Variants in DES observed in about 807,000 individuals in gnomAD.
DES encodes the protein cardiomyopathy, dilated 1F (autosomal dominant).
DES carries 34 observed loss-of-function variants against 55.1 expected under a neutral mutation model. That is an observed-to-expected ratio of 0.62 (90% CI 0.47 to 0.82). The LOEUF (loss-of-function observed/expected upper bound fraction) is 0.82, where lower values mean the gene tolerates loss of function less well. DES is among the 40% of genes least tolerant of loss of function. DES has a pLI of 0.00. For synonymous variants in DES, 259 were observed against 270.8 expected, an observed-to-expected ratio of 0.96 and a Z score of 0.43; for missense variants, 596 against 645.9, an observed-to-expected ratio of 0.92 and a Z score of 0.84.
At chr2:219,424,407 A>G (rs1325863152) in intron 7 of DES, among the ~76,000 whole-genome samples, 3 of 152,244 alleles carry the variant, frequency 2.0e-5, no homozygotes, top group Admixed American at 6.5e-5. Context: ...GAGCAGAGAA[A>G]CACACGATAA....
At position 219,423,416 on chromosome 2, in the gene DES, G is replaced by A. The variant is rs370745692; in HGVS notation, c.1245-361G>A. ...AGGACCAGGGTGAGCCTTGATGGGC[G>A]GTCTCAGGGAAAGATGGGAGGGTTC... On this transcript the variant is annotated intron_variant, in intron 6 of 8. Transcript: ENST00000373960. 1.7e-3 allele frequency among the ~76,000 whole-genome samples: 252 copies of A among 151,772 alleles called. 1 individual carries two copies. Among genetic ancestry groups the A allele is most frequent in the African/African-American group, 5.1e-3 (211 of 41,340 alleles).
chr2:219,425,834 G>C, intron 8 of DES, 89 bp downstream of exon 8: 1 of 1,600,434 alleles, frequency 6.2e-7, no homozygotes, highest in South Asian at 1.1e-5. Context: ...GCTGGTCTAG[G>C]TCCCTGGCTA....
Position 219,420,308 on chromosome 2 carries a change from A to G in DES, c.697A>G (p.Asn233Asp), listed in dbSNP as rs752276536. 3.7e-6 allele frequency: 6 copies of G among 1,614,120 alleles called. No individual in the cohort carries two copies. The highest frequency in any genetic ancestry group is 4.2e-6 in the Non-Finnish European group (5 of 1,180,022). The change falls in exon 3 of 9, where the codon AAC becomes GAC. Residue 233 changes from asparagine (N) to aspartate (D), a missense_variant. Asn to Asp is a conservative substitution (Grantham distance 23, BLOSUM62 1). Coordinates refer to ENST00000373960, the MANE Select transcript of DES (RefSeq NM_001927.4). This position sits in a 1 kb window ranked among gnomAD's most constrained non-coding sequence, Gnocchi z 6.0. ...CCTGGAGCGCAGAATTGAATCTCTC[A>G]ACGAGGAGATCGCGTTCCTTAAGAA... Reference protein sequence around the residue: ...IDLERRIESLNEEIAFLKKVH... With the variant: ...IDLERRIESLDEEIAFLKKVH...
In DES at chr2:219,418,695, G is replaced by T. The variant is rs573916832; in HGVS notation, c.233G>T (p.Arg78Leu). The T allele has an allele frequency of 3.2e-6, 5 of 1,570,190 alleles. No homozygotes were observed. The East Asian group carries it at 1.2e-4, about 37-fold the overall frequency. The change falls in exon 1 of 9, where the codon CGC (arginine) becomes CTC (leucine). Residue 78 changes from arginine (R) to leucine (L), a missense_variant. Physicochemically the swap from Arg to Leu is moderately radical, Grantham distance 102. Transcript: ENST00000373960. The stretch of plus-strand genomic sequence containing the variant: ...CGGGCCAGCCGGCTGGGGACCACCC[G>T]CACGCCCTCCTCCTACGGCGCAGGC... Reference protein sequence around the residue: ...SLRASRLGTTRTPSSYGAGEL... With the variant: ...SLRASRLGTTLTPSSYGAGEL...
Position 219,425,715 on chromosome 2 carries a change from G to A in DES, c.1341G>A (p.Met447Ile), listed in dbSNP as rs1451982485. Residue 447 changes from methionine (M) to isoleucine (I), a missense_variant, in exon 8 of 9, where the codon ATG becomes ATA. By Grantham distance (10) the Met-to-Ile change is conservative. Coordinates refer to ENST00000373960, the MANE Select transcript of DES (RefSeq NM_001927.4). Reference sequence around the variant, plus strand: ...AGGTCCATACCAAGAAGACGGTGATGATCAAGACCATCGAGACACGGGATG... The same window carrying A: ...AGGTCCATACCAAGAAGACGGTGATAATCAAGACCATCGAGACACGGGATG... ...GSEVHTKKTV[M>I]IKTIETRDGE... The A allele has an allele frequency of 6.2e-7, 1 of 1,601,300 alleles. No individual in the cohort carries two copies. Among genetic ancestry groups the A allele is most frequent in the Admixed American group, 1.7e-5 (1 of 57,990 alleles).
At position 219,422,357 on chromosome 2, in the gene DES, GAC is replaced by G. The variant is rs758914761; in HGVS notation, c.1244+801_1244+802del. Among the ~76,000 whole-genome samples, 11 of 151,416 alleles carry G rather than the reference GAC, an allele frequency of 7.3e-5. No individual in the cohort carries two copies. In the East Asian group the frequency reaches 1.8e-3, roughly 24 times the overall value. On this transcript the variant is annotated intron_variant, in intron 6 of 8. Coordinates refer to ENST00000373960, the MANE Select transcript of DES (RefSeq NM_001927.4). ...GCATATGCACATGTTCGGAGGAAAA[GAC>G]ACAGACGTCATGCTCAGAGCAACCC...
chr2:219,424,954 A>C (rs1369901682), intron 7 of DES: 2 of 152,208 alleles, frequency 1.3e-5, no homozygotes, highest in Non-Finnish European at 2.9e-5. Context: ...GCTGGAGTGC[A>C]GTGGTGCAAT....
At chr2:219,423,869 C>A (rs1443595039) in intron 7 of DES, 49 bp downstream of exon 7, 2 of 1,600,012 alleles carry the variant, frequency 1.2e-6, no homozygotes, top group Non-Finnish European at 1.7e-6. Context: ...GGCCAGGAGT[C>A]CAGCATGGGC....
rs762635412 is a variant in DES at position 219,425,949 on chromosome 2, G to T, written c.1372G>T (p.Val458Phe). 1 of 1,613,984 alleles carries T rather than the reference G, an allele frequency of 6.2e-7. No individual in the cohort carries two copies. The highest frequency in any genetic ancestry group is 8.5e-7 in the Non-Finnish European group (1 of 1,179,980). ...IKTIETRDGE[V>F]VSEATQQQHE... The stretch of plus-strand genomic sequence containing the variant: ...GGACTGGGCTTCTCTTCCTCCCCAG[G>T]TCGTCAGTGAGGCCACACAGCAGCA... Residue 458 changes from valine (V) to phenylalanine (F), a missense_variant and splice_region_variant, in exon 9 of 9, where the codon GTC becomes TTC. Coordinates refer to ENST00000373960, the MANE Select transcript of DES (RefSeq NM_001927.4).
intron 6 of DES, among the ~76,000 whole-genome samples, chr2:219,422,799 GT>G (rs967438355): frequency 5.3e-5 from 8 of 152,150 alleles, no homozygotes; most frequent in African/African-American, 1.9e-4. Flanking sequence ...TGGACTGGTA[GT>G]TACACAGACG....
At position 219,423,812 on chromosome 2, in the gene DES, A is replaced by C. The variant is rs142712150; in HGVS notation, c.1280A>C (p.Asn427Thr). 3 of 1,613,614 alleles carry C rather than the reference A, an allele frequency of 1.9e-6. No homozygotes were observed. Among genetic ancestry groups the C allele is most frequent in the Non-Finnish European group, 1.7e-6 (2 of 1,179,808 alleles). Residue 427 changes from asparagine to threonine, a missense_variant, in exon 7 of 9, where the codon AAC becomes ACC. Physicochemically the swap from Asn to Thr is moderately conservative, Grantham distance 65 (BLOSUM62 0). Coordinates refer to ENST00000373960, the MANE Select transcript of DES (RefSeq NM_001927.4). The stretch of plus-strand genomic sequence containing the variant: ...CCCATCCAGACCTACTCTGCCCTCA[A>C]CTTCCGAGGTGAGTGTCTGCTGGCA... ...NLPIQTYSAL[N>T]FRETSPEQRG... is the part of the protein sequence containing the mutation.
chr2:219,418,524 C>A lies in DES; in HGVS notation c.62C>A (p.Ala21Asp), dbSNP rs755107287. 6.2e-7 allele frequency: 1 copy of A among 1,603,276 alleles called. No individual in the cohort carries two copies. Among genetic ancestry groups the A allele is most frequent in the East Asian group, 2.3e-5 (1 of 43,894 alleles). Residue 21 changes from alanine (A) to aspartate (D), a missense_variant, in exon 1 of 9, where the codon GCC (alanine) becomes GAC (aspartate). Physicochemically the swap from Ala to Asp is moderately radical, Grantham distance 126. Coordinates refer to ENST00000373960, the MANE Select transcript of DES (RefSeq NM_001927.4). Reference sequence around the variant, plus strand: ...TCCTACCGCCGCACCTTCGGCGGGGCCCCGGGCTTCCCACTCGGCTCCCCG... The same window carrying A: ...TCCTACCGCCGCACCTTCGGCGGGGACCCGGGCTTCCCACTCGGCTCCCCG... ...VSSYRRTFGGAPGFPLGSPLS... is the reference protein window; with the variant it reads ...VSSYRRTFGGDPGFPLGSPLS...
Position 219,422,463 on chromosome 2 carries a change from CTTTTTT to C in DES, c.1244+917_1244+922del, listed in dbSNP as rs71040455. On this transcript the variant is annotated intron_variant, in intron 6 of 8. Transcript: ENST00000373960. ...GTGGGATAACAGAAATGTTCTATAT[CTTTTTT>C]TTTTTTTTTTTTTGAGACAGAGTCT... Among the ~76,000 whole-genome samples the C allele has an allele frequency of 2.4e-3, 247 of 103,502 alleles. 2 individuals carry two copies. The highest frequency in any genetic ancestry group is 8.3e-3 in the African/African-American group (209 of 25,086). The allele number at this position is 103,502 out of a possible 152,430, so 67.9% of individuals were successfully genotyped here.
intron 7 of DES, chr2:219,424,921 C>CG (rs1459434567): frequency 6.6e-6 from 1 of 152,054 alleles, no homozygotes; most frequent in East Asian, 1.9e-4. Flanking sequence ...TCTTTTGAAA[C>CG]GGAGTCTCGC....
At chr2:219,421,683 T>G in intron 6 of DES, 123 bp downstream of exon 6, 2 of 841,894 alleles carry the variant, frequency 2.4e-6, no homozygotes, top group Non-Finnish European at 3.6e-6. Context: ...TTTTTTTTTT[T>G]GAGATGGAGT....
At position 219,420,376 on chromosome 2, in the gene DES, C is replaced by T; in HGVS notation, c.735+30C>T. ...ACCTTGGCCCCTCTTCCTGGGGTCACTGGGCCATGGGGAAAGCAGCCGGAA... is the reference window on the plus strand; with the variant it reads ...ACCTTGGCCCCTCTTCCTGGGGTCATTGGGCCATGGGGAAAGCAGCCGGAA... On this transcript the variant is annotated intron_variant, in intron 3 of 8. Transcript: ENST00000373960. The surrounding 1 kb of genome is among the most constrained non-coding windows in gnomAD (Gnocchi z 6.0). 1.9e-6 allele frequency: 3 copies of T among 1,612,646 alleles called. No homozygotes were observed. Among genetic ancestry groups the T allele is most frequent in the Non-Finnish European group, 2.5e-6 (3 of 1,179,136 alleles).
At chr2:219,421,215 A>T in intron 5 of DES, 125 bp from the exon 6 acceptor site, 1 of 1,102,856 alleles carries the variant, frequency 9.1e-7, no homozygotes, top group Middle Eastern at 2.9e-4. Flanking sequence ...TATAGACTTA[A>T]TTTGAGTTCA....
At chr2:219,422,463 CTTTT>C (rs71040455) in intron 6 of DES, among the ~76,000 whole-genome samples, 1 of 103,496 alleles carries the variant, frequency 9.7e-6, no homozygotes, top group Non-Finnish European at 1.8e-5. Flanking sequence ...TGTTCTATAT[CTTTT>C]TTTTTTTTTT....
chr2:219,421,608 G>T, intron 6 of DES, 48 bp downstream of exon 6: 2 of 1,572,148 alleles, frequency 1.3e-6, no homozygotes, highest in Non-Finnish European at 1.7e-6. Flanking sequence ...GGTGCTGGGT[G>T]GTCCATTTCT....
Sources: allele counts gnomAD v4.1 joint callset (sites outside exome capture counted in the v4.1 genomes callset), GRCh38; gene constraint gnomAD v4.1.1; non-coding constraint Gnocchi (gnomAD v3.1); transcripts MANE v1.5; gene names NCBI Gene and HGNC (gene_info 2026-07-23, HGNC 2026-07-21).